Variants in CDH3 observed in about 807,000 individuals in gnomAD.
CDH3 encodes the protein cadherin-3.
A neutral mutation model predicts 82.0 loss-of-function variants in CDH3; 54 were observed. The observed-to-expected ratio is 0.66, with a 90% CI of 0.53 to 0.83. The LOEUF is 0.83. Ranked by LOEUF, CDH3 falls within the 40% of genes least tolerant of loss-of-function variation. The probability of loss-of-function intolerance (pLI) is 0.00; values close to 1 mark genes in which losing one functional copy is unlikely to be tolerated. For missense variants in CDH3, 1,054 were observed against 1,084.6 expected (o/e 0.97, Z 0.40); for synonymous variants, 446 against 437.9 (o/e 1.02, Z -0.23).
Position 68,645,714 on chromosome 16 carries a change from G to A in CDH3, c.124G>A (p.Gly42Ser). The A allele has an allele frequency of 6.5e-7, 1 of 1,545,728 alleles. No homozygotes were observed. Among genetic ancestry groups the A allele is most frequent in the East Asian group, 2.4e-5 (1 of 40,888 alleles). Residue 42 changes from glycine to serine, a missense_variant, in exon 2 of 16, where the codon GGC (glycine) becomes AGC (serine). Physicochemically the swap from Gly to Ser is moderately conservative, Grantham distance 56 (BLOSUM62 0). Transcript: ENST00000264012. ...GGCTGAAGTGACCTTGGAGGCGGGA[G>A]GCGCGGAGCAGGAGCCCGGCCAGGC... ...REAEVTLEAG[G>S]AEQEPGQALG...
At chr16:68,691,388 C>CA (rs943952782) in intron 12 of CDH3, among the ~76,000 whole-genome samples, 3 of 151,712 alleles carry the variant, frequency 2.0e-5, no homozygotes, top group African/African-American at 7.3e-5. Context: ...CTTTTTGAAG[C>CA]AAAAAAACAG....
chr16:68,654,260 C>T (rs912696917), intron 2 of CDH3, among the ~76,000 whole-genome samples: 8 of 150,156 alleles, frequency 5.3e-5, no homozygotes, highest in African/African-American at 1.7e-4. Flanking sequence ...AGGGTTTCAC[C>T]GTGTTAGCCA....
chr16:68,711,642 G>C (rs1488797562), intron 1 of CDH3, among the ~76,000 whole-genome samples: 1 of 152,208 alleles, frequency 6.6e-6, no homozygotes, highest in Non-Finnish European at 1.5e-5. Flanking sequence ...GGAAGGGAAA[G>C]GGGAAGTGGT....
chr16:68,651,229 G>C lies in CDH3; in HGVS notation c.160+5479G>C, dbSNP rs936557713. On this transcript the variant is annotated intron_variant, in intron 2 of 15. Transcript: ENST00000264012. The stretch of plus-strand genomic sequence containing the variant: ...GTAGCCCATCTGCAGGGACACGGAG[G>C]AGTTGTCATACTTGTTGGTGCCCAG... The C allele has an allele frequency of 9.4e-6, 5 of 529,960 alleles. No homozygotes were observed. In the African/African-American group the frequency reaches 9.6e-5, roughly 10 times the overall value. The allele number at this position is 529,960 out of a possible 1,614,324, so 32.8% of individuals were successfully genotyped here.
chr16:68,706,008 T>C (rs1337574278), intron 1 of CDH3, among the ~76,000 whole-genome samples: 1 of 140,048 alleles, frequency 7.1e-6, no homozygotes, highest in African/African-American at 2.7e-5. Flanking sequence ...GAGCTTGCAG[T>C]GAGCCGAGAT....
At chr16:68,659,904 G>A (rs370161098) in intron 2 of CDH3, among the ~76,000 whole-genome samples, 2 of 151,488 alleles carry the variant, frequency 1.3e-5, no homozygotes, top group East Asian at 3.9e-4. Context: ...TCTGCAGCTC[G>A]CTTTTTAACT....
chr16:68,647,430 G>A (rs1279716683), intron 2 of CDH3, among the ~76,000 whole-genome samples: 3 of 152,240 alleles, frequency 2.0e-5, no homozygotes, highest in East Asian at 1.9e-4. Flanking sequence ...CGATTTCATC[G>A]TTGGGTTGGC....
chr16:68,686,612 A>G (rs938107232), intron 11 of CDH3: 4 of 1,175,848 alleles, frequency 3.4e-6, no homozygotes, highest in African/African-American at 1.5e-5. Flanking sequence ...ATATGGAGGC[A>G]CCAAAGTAGT....
At chr16:68,686,249 C>T (rs1479894727) in intron 11 of CDH3, 14 of 606,200 alleles carry the variant, frequency 2.3e-5, no homozygotes, top group Admixed American at 8.8e-5. Context: ...CGCCTCGGGG[C>T]GAGCGGCAAG....
intron 1 of CDH3, among the ~76,000 whole-genome samples, chr16:68,714,444 C>A (rs1962068926): frequency 6.6e-6 from 1 of 152,218 alleles, no homozygotes; most frequent in Admixed American, 6.5e-5. Flanking sequence ...ACGACTTTGC[C>A]TCTGCCTTAG....
intron 2 of CDH3, among the ~76,000 whole-genome samples, chr16:68,671,934 G>A (rs1054040466): frequency 9.9e-5 from 15 of 152,270 alleles, no homozygotes; most frequent in African/African-American, 2.9e-4. Flanking sequence ...GACACAACTC[G>A]TGTTAAGGGA....
chr16:68,673,978 A>G (rs1434231669), intron 2 of CDH3, among the ~76,000 whole-genome samples: 2 of 152,176 alleles, frequency 1.3e-5, no homozygotes, highest in Non-Finnish European at 2.9e-5. Flanking sequence ...GACTATTATG[A>G]ATAACACTGC....
At chr16:68,670,095 G>C (rs1033445350) in intron 2 of CDH3, among the ~76,000 whole-genome samples, 1 of 151,928 alleles carries the variant, frequency 6.6e-6, no homozygotes, top group African/African-American at 2.4e-5. Context: ...CTGGTGGCGG[G>C]CGCCTGTAGT....
At chr16:68,683,143 T>C (rs1961277680) in intron 9 of CDH3, among the ~76,000 whole-genome samples, 1 of 152,074 alleles carries the variant, frequency 6.6e-6, no homozygotes, top group Admixed American at 6.6e-5. Flanking sequence ...TACTTCCTGG[T>C]TTACTATGAA....
chr16:68,718,222 T>C (rs1420818979), intron 1 of CDH3, among the ~76,000 whole-genome samples: 1 of 152,142 alleles, frequency 6.6e-6, no homozygotes, highest in Non-Finnish European at 1.5e-5. Context: ...CAGGCTGATC[T>C]CAAACTTCTG....
chr16:68,645,470 G>A (rs1232380917), intron 1 of CDH3, 46 bp downstream of exon 1: 3 of 1,600,126 alleles, frequency 1.9e-6, no homozygotes, highest in South Asian at 1.1e-5. Flanking sequence ...CGCTCCCTGG[G>A]GGGCGGGCGG....
chr16:68,728,169 G>A (rs987793265), downstream of CDH3, among the ~76,000 whole-genome samples: 5 of 151,726 alleles, frequency 3.3e-5, no homozygotes, highest in African/African-American at 1.2e-4. Flanking sequence ...TTTTTTGTTT[G>A]TTTGTTTGTT....
At chr16:68,702,077 C>T (rs1333767273), downstream of CDH3, among the ~76,000 whole-genome samples, 5 of 151,454 alleles carry the variant, frequency 3.3e-5, no homozygotes, top group African/African-American at 4.8e-5. Context: ...TTGGTAGACA[C>T]GGGGTTTCAC....
intron 1 of CDH3, among the ~76,000 whole-genome samples, chr16:68,712,271 A>G (rs560044719): frequency 7.4e-5 from 11 of 148,452 alleles, no homozygotes; most frequent in Non-Finnish European, 1.0e-4. Flanking sequence ...TCCTGGGCTC[A>G]AGCAATCCTC....
Sources: allele counts gnomAD v4.1 joint callset (sites outside exome capture counted in the v4.1 genomes callset), GRCh38; gene constraint gnomAD v4.1.1; transcripts MANE v1.5; gene names NCBI Gene and HGNC (gene_info 2026-07-23, HGNC 2026-07-21).